MEI4: variants seen among roughly 807,000 people sequenced by gnomAD.
The protein encoded by MEI4 is meiosis-specific protein MEI4.
A neutral mutation model predicts 31.4 loss-of-function variants in MEI4; 27 were observed. The ratio of observed to expected loss-of-function variants is 0.86; its 90% CI spans 0.63 to 1.19. MEI4 has a LOEUF of 1.19. MEI4 is among the 50% of genes most tolerant of loss of function. MEI4 has a pLI of 0.00. For missense variants in MEI4, 329 were observed against 398.9 expected (o/e 0.82, Z 1.49); for synonymous variants, 122 against 145.4 (o/e 0.84, Z 1.16).
At chr6:77,907,429 T>C (rs554116107) in intron 4 of MEI4, among the ~76,000 whole-genome samples, 1 of 152,124 alleles carries the variant, frequency 6.6e-6, no homozygotes, top group Non-Finnish European at 1.5e-5. Context: ...AGAATGATGG[T>C]TTCCAGCTTC....
intron 4 of MEI4, among the ~76,000 whole-genome samples, chr6:77,904,197 T>C (rs935585176): frequency 5.3e-5 from 8 of 152,180 alleles, no homozygotes; most frequent in African/African-American, 1.9e-4. Flanking sequence ...TTTTATCTTT[T>C]GTGTATCTAC....
chr6:77,818,058 T>A (rs1249318103), intron 3 of MEI4, among the ~76,000 whole-genome samples: 3 of 152,186 alleles, frequency 2.0e-5, no homozygotes, highest in Non-Finnish European at 4.4e-5. Flanking sequence ...GAACAGTTTT[T>A]CAATGTGGCA....
At chr6:77,833,683 T>C (rs1770136098) in intron 4 of MEI4, among the ~76,000 whole-genome samples, 1 of 152,120 alleles carries the variant, frequency 6.6e-6, no homozygotes, top group East Asian at 1.9e-4. Context: ...GTTTGTTACA[T>C]AGGTATACAT....
chr6:77,882,470 G>A (rs1411622044), intron 4 of MEI4, among the ~76,000 whole-genome samples: 1 of 152,192 alleles, frequency 6.6e-6, no homozygotes, highest in East Asian at 1.9e-4. Flanking sequence ...GAAAGGCCCA[G>A]AAAGTTTAAT....
chr6:77,856,525 A>G (rs1316553312), intron 4 of MEI4, among the ~76,000 whole-genome samples: 1 of 147,646 alleles, frequency 6.8e-6, no homozygotes, highest in African/African-American at 2.5e-5. Flanking sequence ...GAAGAAGGAA[A>G]ATAGAGTAAT....
At chr6:77,865,443 A>G (rs1356408350) in intron 4 of MEI4, among the ~76,000 whole-genome samples, 3 of 152,238 alleles carry the variant, frequency 2.0e-5, no homozygotes, top group African/African-American at 4.8e-5. Context: ...AGAGAATACT[A>G]TAAACACTTC....
intron 3 of MEI4, among the ~76,000 whole-genome samples, chr6:77,827,080 G>T (rs1769970036): frequency 6.6e-6 from 1 of 152,062 alleles, no homozygotes; most frequent in African/African-American, 2.4e-5. Context: ...ACCTACATAG[G>T]CCGGGCGCGG....
intron 4 of MEI4, among the ~76,000 whole-genome samples, chr6:77,861,805 G>T (rs554301889): frequency 6.6e-6 from 1 of 152,250 alleles, no homozygotes; most frequent in African/African-American, 2.4e-5. Context: ...CATATGAAGT[G>T]CTTAGTCCAG....
At chr6:77,858,917 AG>A (rs58397055) in intron 4 of MEI4, among the ~76,000 whole-genome samples, 96,148 of 146,998 alleles carry the variant, frequency 0.65, 31,334 homozygotes, top group African/African-American at 0.7. Context: ...TAAAAAAAAA[AG>A]AAAACAGGAC....
intron 4 of MEI4, among the ~76,000 whole-genome samples, chr6:77,905,553 G>A (rs1766276993): frequency 7.7e-6 from 1 of 129,710 alleles, no homozygotes; most frequent in Non-Finnish European, 1.6e-5. Flanking sequence ...CTGGAGTGCA[G>A]TGGCACGATC....
At chr6:77,656,346 AAAAAC>A (rs1768395034) in intron 1 of MEI4, among the ~76,000 whole-genome samples, 1 of 152,148 alleles carries the variant, frequency 6.6e-6, no homozygotes. Context: ...CAAGATTAAA[AAAAAC>A]AAAACAGGGC....
In MEI4 at chr6:77,883,728, A is replaced by C. The variant is rs1261150590; in HGVS notation, c.901-39361A>C. 1.4e-5 allele frequency among the ~76,000 whole-genome samples: 2 copies of C among 140,162 alleles called. 1 individual carries two copies. Among genetic ancestry groups the C allele is most frequent in the African/African-American group, 5.4e-5 (2 of 37,022 alleles). The allele number at this position is 140,162 out of a possible 152,430, so 92.0% of individuals were successfully genotyped here. A position where few individuals can be genotyped will look rare whatever the true frequency, so the allele number is the denominator to read the frequency against. ...ATGCTATTATGTAAGATATATATAT[A>C]TATATATATATATATAACTTTGTCT... is the stretch of plus-strand genomic sequence containing the variant. On this transcript the variant is annotated intron_variant, in intron 4 of 4. Coordinates refer to ENST00000684080, the MANE Select transcript of MEI4 (RefSeq NM_001322247.2).
chr6:77,922,536 A>G (rs894650399), intron 4 of MEI4, among the ~76,000 whole-genome samples: 6 of 151,672 alleles, frequency 4.0e-5, no homozygotes, highest in African/African-American at 1.5e-4. Flanking sequence ...TCTATCTCAC[A>G]TTCAACCATC....
intron 1 of MEI4, among the ~76,000 whole-genome samples, chr6:77,659,764 C>G (rs1457937284): frequency 6.6e-6 from 1 of 151,926 alleles, no homozygotes; most frequent in Non-Finnish European, 1.5e-5. Flanking sequence ...CTGGAAGGCT[C>G]CAATTGTTTC....
chr6:77,907,995 T>G (rs1562034010), intron 4 of MEI4, among the ~76,000 whole-genome samples: 1 of 140,088 alleles, frequency 7.1e-6, no homozygotes, highest in Non-Finnish European at 1.6e-5. Flanking sequence ...TTGATGGGGT[T>G]TTTTTTTTTT....
chr6:77,699,976 C>G (rs1727991333), intron 2 of MEI4, among the ~76,000 whole-genome samples: 1 of 152,182 alleles, frequency 6.6e-6, no homozygotes, highest in African/African-American at 2.4e-5. Context: ...CAGAGGCGTA[C>G]CCGGCAGTGT....
At chr6:77,819,306 CAT>C (rs1769761124) in intron 3 of MEI4, among the ~76,000 whole-genome samples, 2 of 151,858 alleles carry the variant, frequency 1.3e-5, no homozygotes, top group South Asian at 4.2e-4. Flanking sequence ...TCTTTTTTGT[CAT>C]AGTTTATGGA....
intron 4 of MEI4, among the ~76,000 whole-genome samples, chr6:77,854,076 A>G (rs1770693851): frequency 6.6e-6 from 1 of 152,276 alleles, no homozygotes; most frequent in Middle Eastern, 3.4e-3. Context: ...AAAATAAGCC[A>G]TATGGTTTTT....
At position 77,692,581 on chromosome 6, in the gene MEI4, T is replaced by C. The variant is rs1451797085; in HGVS notation, c.232+1678T>C. Among the ~76,000 whole-genome samples, 12 of 151,986 alleles carry C rather than the reference T, an allele frequency of 7.9e-5. No homozygotes were observed. In the East Asian group the frequency reaches 2.1e-3, roughly 27 times the overall value. ...GAATTAGATCTGTGATAGTGAGAAA[T>C]AAAAGGACAGACATGTAGGAATAAA... On this transcript the variant is annotated intron_variant, in intron 2 of 4. Coordinates refer to ENST00000684080, the MANE Select transcript of MEI4 (RefSeq NM_001322247.2).
Sources: gnomAD v4.1 joint callset for allele counts (sites outside exome capture counted in the v4.1 genomes callset) on GRCh38, gnomAD v4.1.1 for gene constraint, MANE v1.5 for transcripts, NCBI Gene and HGNC (gene_info 2026-07-23, HGNC 2026-07-21) for gene names.